SORCS3: variants seen among roughly 807,000 people sequenced by gnomAD.
The protein encoded by SORCS3 is VPS10 domain-containing receptor SorCS3.
A neutral mutation model predicts 146.3 loss-of-function variants in SORCS3; 57 were observed. The ratio of observed to expected loss-of-function variants is 0.39; its 90% CI spans 0.31 to 0.49. The LOEUF is 0.49. Among genes scored for constraint, SORCS3 ranks in the 20% least tolerant of loss-of-function variants. The probability of loss-of-function intolerance (pLI) is 0.92; values close to 1 mark genes in which losing one functional copy is unlikely to be tolerated. For synonymous variants in SORCS3, 653 were observed against 618.5 expected (o/e 1.06, Z -0.83); for missense variants, 1,341 against 1,575.5 (o/e 0.85, Z 2.52).
At chr10:105,149,487 C>T (rs899465209) in intron 9 of SORCS3, among the ~76,000 whole-genome samples, 2 of 152,092 alleles carry the variant, frequency 1.3e-5, no homozygotes, top group Non-Finnish European at 2.9e-5. Flanking sequence ...CTTTGGGAAG[C>T]TTACATTTCT....
intron 20 of SORCS3, among the ~76,000 whole-genome samples, chr10:105,235,201 A>G (rs1211995347): frequency 6.6e-6 from 1 of 152,108 alleles, no homozygotes; most frequent in Non-Finnish European, 1.5e-5. Context: ...GTTGGACTAT[A>G]AAACCCCTGA....
At chr10:104,702,501 T>C (rs1318211914) in intron 1 of SORCS3, among the ~76,000 whole-genome samples, 1 of 152,196 alleles carries the variant, frequency 6.6e-6, no homozygotes, top group African/African-American at 2.4e-5. Flanking sequence ...TTGGCCAGGC[T>C]GGTCTTAAAC....
At chr10:105,106,074 T>C (rs1384931995) in intron 7 of SORCS3, among the ~76,000 whole-genome samples, 1 of 152,172 alleles carries the variant, frequency 6.6e-6, no homozygotes, top group Non-Finnish European at 1.5e-5. Context: ...TTTTCGGTCT[T>C]CTTATCTCTA....
chr10:104,987,656 A>C (rs1289838252), intron 4 of SORCS3, among the ~76,000 whole-genome samples: 1 of 152,066 alleles, frequency 6.6e-6, no homozygotes, highest in Non-Finnish European at 1.5e-5. Context: ...TTCTCCTAAC[A>C]AAAAGTGTAC....
At chr10:104,981,097 T>C (rs1478188797) in intron 4 of SORCS3, among the ~76,000 whole-genome samples, 2 of 152,198 alleles carry the variant, frequency 1.3e-5, no homozygotes, top group South Asian at 2.1e-4. Flanking sequence ...GCAATCCTGA[T>C]GCACCCCAGT....
intron 9 of SORCS3, among the ~76,000 whole-genome samples, chr10:105,148,944 A>G (rs2056150530): frequency 6.6e-6 from 1 of 152,114 alleles, no homozygotes; most frequent in African/African-American, 2.4e-5. Flanking sequence ...TCATAGGGGT[A>G]GTTTTCACAT....
intron 2 of SORCS3, among the ~76,000 whole-genome samples, chr10:104,873,619 G>T (rs2018541321): frequency 6.6e-6 from 1 of 152,182 alleles, no homozygotes; most frequent in Admixed American, 6.5e-5. Context: ...ACCATTTGGA[G>T]ATATGCAATC....
At chr10:104,920,007 G>A (rs2019071294) in intron 3 of SORCS3, among the ~76,000 whole-genome samples, 1 of 152,168 alleles carries the variant, frequency 6.6e-6, no homozygotes, top group South Asian at 2.1e-4. Flanking sequence ...TCGTTTTTAA[G>A]TTTCCTTCTT....
chr10:104,850,263 C>T (rs973178087), intron 2 of SORCS3, among the ~76,000 whole-genome samples: 4 of 152,148 alleles, frequency 2.6e-5, no homozygotes, highest in African/African-American at 7.2e-5. Flanking sequence ...TTTAGTAAGG[C>T]TGGTCATTAC....
intron 19 of SORCS3, among the ~76,000 whole-genome samples, chr10:105,219,737 A>G (rs533285284): frequency 1.3e-5 from 2 of 152,314 alleles, no homozygotes; most frequent in South Asian, 2.1e-4. Flanking sequence ...AATGAAGACA[A>G]AGAAGGAAAA....
chr10:105,175,585 G>A (rs775619481), intron 13 of SORCS3, among the ~76,000 whole-genome samples: 3 of 152,116 alleles, frequency 2.0e-5, no homozygotes, highest in Non-Finnish European at 4.4e-5. Flanking sequence ...AGGAACTGAC[G>A]GACTACATGG....
intron 3 of SORCS3, among the ~76,000 whole-genome samples, chr10:104,975,685 AC>A (rs2054892314): frequency 6.6e-6 from 1 of 152,242 alleles, no homozygotes; most frequent in Non-Finnish European, 1.5e-5. Flanking sequence ...AGTAACCAAA[AC>A]AACATGGTAC....
chr10:104,808,870 C>T (rs1564688743), intron 1 of SORCS3, among the ~76,000 whole-genome samples: 1 of 152,174 alleles, frequency 6.6e-6, no homozygotes, highest in East Asian at 1.9e-4. Context: ...AAAAGTCACA[C>T]AGCAGAAATG....
intron 1 of SORCS3, among the ~76,000 whole-genome samples, chr10:104,761,708 T>C (rs1391723929): frequency 6.6e-6 from 1 of 152,000 alleles, no homozygotes; most frequent in Non-Finnish European, 1.5e-5. Context: ...AGAGGGTGAA[T>C]GTGATCAAAC....
chr10:105,106,318 G>A (rs999223168), intron 7 of SORCS3, among the ~76,000 whole-genome samples: 5 of 152,158 alleles, frequency 3.3e-5, no homozygotes, highest in Admixed American at 6.5e-5. Flanking sequence ...CTAAGCACCT[G>A]AATGACCTTC....
intron 4 of SORCS3, among the ~76,000 whole-genome samples, chr10:104,999,371 C>T (rs941138219): frequency 5.3e-5 from 8 of 152,174 alleles, no homozygotes; most frequent in African/African-American, 1.4e-4. Flanking sequence ...AGCTCAATCC[C>T]TCAGAAAGCA....
chr10:105,032,889 A>G (rs1398108847), intron 4 of SORCS3, among the ~76,000 whole-genome samples: 13 of 152,302 alleles, frequency 8.5e-5, no homozygotes, highest in Admixed American at 6.5e-5. Context: ...AAGAGAAAAC[A>G]TAGGTAGAGG....
chr10:105,140,938 G>T lies in SORCS3; in HGVS notation c.1302+1452G>T, dbSNP rs77593625. Among the ~76,000 whole-genome samples the T allele has an allele frequency of 9.4e-3, 1,431 of 152,216 alleles. 18 individuals are homozygous for T. The highest frequency in any genetic ancestry group is 0.032 in the African/African-American group (1,341 of 41,526). On this transcript the variant is annotated intron_variant, in intron 8 of 26. Transcript: ENST00000369701. ...AAAGAGATATTCCAGCTTGGAGAAG[G>T]TTAGAAAGGGGAAATTCACAGTTAT...
At chr10:104,718,188 G>A (rs12256150) in intron 1 of SORCS3, among the ~76,000 whole-genome samples, 38,683 of 151,932 alleles carry the variant, frequency 0.25, 5,584 homozygotes, top group East Asian at 0.63. Context: ...ATAAATAAGA[G>A]AAAGAAGTGT....
Sources: gnomAD v4.1 joint callset for allele counts (sites outside exome capture counted in the v4.1 genomes callset) on GRCh38, gnomAD v4.1.1 for gene constraint, MANE v1.5 for transcripts, NCBI Gene and HGNC (gene_info 2026-07-23, HGNC 2026-07-21) for gene names.